Variants in STK33 observed in about 807,000 individuals in gnomAD.
STK33 encodes serine/threonine kinase 33.
STK33 carries 52 observed loss-of-function variants against 58.0 expected under a neutral mutation model. The observed-to-expected ratio is 0.90, with a 90% confidence interval of 0.72 to 1.13. STK33 has a LOEUF of 1.13. Among genes scored for constraint, STK33 ranks in the 50% most tolerant of loss-of-function variants. STK33 has a pLI of 0.00. For missense variants in STK33, 630 were observed against 604.2 expected, an observed-to-expected ratio of 1.04 and a Z score of -0.45; for synonymous variants, 215 against 200.1, an observed-to-expected ratio of 1.07 and a Z score of -0.63.
intron 1 of STK33, among the ~76,000 whole-genome samples, chr11:8,519,601 C>T (rs1953185655): frequency 6.6e-6 from 1 of 151,844 alleles, no homozygotes; most frequent in African/African-American, 2.4e-5. Context: ...GCTAGCAAGA[C>T]TAATAAAGAA....
intron 15 of STK33, among the ~76,000 whole-genome samples, chr11:8,401,919 C>A (rs1564860469): frequency 6.6e-6 from 1 of 152,106 alleles, no homozygotes; most frequent in African/African-American, 2.4e-5. Context: ...CAATGAGATA[C>A]CATCTCACAC....
chr11:8,483,895 T>TACACAC (rs897022525), intron 1 of STK33, among the ~76,000 whole-genome samples: 5 of 152,174 alleles, frequency 3.3e-5, no homozygotes, highest in African/African-American at 1.2e-4. Flanking sequence ...TATACATATA[T>TACACAC]ACACACAAAT....
intron 1 of STK33, among the ~76,000 whole-genome samples, chr11:8,522,142 T>C (rs34553709): frequency 0.17 from 25,809 of 152,150 alleles, 2,662 homozygotes; most frequent in South Asian, 0.31. Flanking sequence ...ACCCAAAGGA[T>C]TATAAATCAT....
At chr11:8,544,617 C>T (rs1356740644) in intron 1 of STK33, among the ~76,000 whole-genome samples, 1 of 151,666 alleles carries the variant, frequency 6.6e-6, no homozygotes, top group Non-Finnish European at 1.5e-5. Context: ...TTCTATAGAA[C>T]CATATATTAT....
At chr11:8,419,704 C>T (rs150558696) in intron 14 of STK33, among the ~76,000 whole-genome samples, 22 of 152,044 alleles carry the variant, frequency 1.4e-4, no homozygotes, top group African/African-American at 3.6e-4. Context: ...TTGATTCTTC[C>T]GATCCATGAG....
intron 11 of STK33, among the ~76,000 whole-genome samples, chr11:8,442,143 C>A (rs894668381): frequency 2.0e-5 from 3 of 151,428 alleles, no homozygotes; most frequent in Admixed American, 2.0e-4. Context: ...AGATGAAAGG[C>A]AACAAAAAGG....
chr11:8,407,270 C>T (rs1208088441), intron 15 of STK33, among the ~76,000 whole-genome samples: 1 of 151,882 alleles, frequency 6.6e-6, no homozygotes, highest in South Asian at 2.1e-4. Flanking sequence ...GAAATTTTTA[C>T]GTCTATAATT....
chr11:8,344,629 T>C, the STK33 span, among the ~76,000 whole-genome samples: 1 of 152,210 alleles, frequency 6.6e-6, no homozygotes, highest in South Asian at 2.1e-4. Flanking sequence ...AAGGTTATTT[T>C]CTCCTGCGAT....
At chr11:8,362,239 T>C in the STK33 span, among the ~76,000 whole-genome samples, 8 of 152,070 alleles carry the variant, frequency 5.3e-5, no homozygotes, top group Non-Finnish European at 1.0e-4. Context: ...ACTAGAAAAA[T>C]AGTGTGCCCA....
chr11:8,428,385 C>A (rs1347861253), intron 14 of STK33, among the ~76,000 whole-genome samples: 2 of 152,198 alleles, frequency 1.3e-5, no homozygotes, highest in Admixed American at 1.3e-4. Flanking sequence ...TAATTCCCTG[C>A]CTTGGCTGCA....
chr11:8,417,313 T>C (rs146587442), intron 14 of STK33, among the ~76,000 whole-genome samples: 273 of 152,292 alleles, frequency 1.8e-3, no homozygotes, highest in African/African-American at 5.5e-3. Context: ...ATTAATTTAA[T>C]ATCGAACAAC....
chr11:8,443,168 A>T (rs999096699), intron 11 of STK33, among the ~76,000 whole-genome samples: 3 of 152,232 alleles, frequency 2.0e-5, no homozygotes, highest in African/African-American at 7.2e-5. Context: ...TTTCTTGGTT[A>T]ATGACTCTCT....
At chr11:8,525,941 A>G (rs914939414) in intron 1 of STK33, among the ~76,000 whole-genome samples, 11 of 152,236 alleles carry the variant, frequency 7.2e-5, no homozygotes, top group Non-Finnish European at 1.3e-4. Context: ...GCCAATAAAC[A>G]TAATAAAAAG....
intron 12 of STK33, among the ~76,000 whole-genome samples, chr11:8,439,349 G>A (rs965564481): frequency 6.6e-6 from 1 of 151,962 alleles, no homozygotes; most frequent in Non-Finnish European, 1.5e-5. Flanking sequence ...AGCTTTATGA[G>A]GATACATAAA....
intron 13 of STK33, 67 bp downstream of exon 13, chr11:8,435,960 A>T: frequency 1.1e-6 from 1 of 926,744 alleles, no homozygotes; most frequent in Non-Finnish European, 1.5e-6. Flanking sequence ...AAAACATTTT[A>T]ACCACAGGCC....
At position 8,455,569 on chromosome 11, in the gene STK33, G is replaced by A. The variant is rs367595751; in HGVS notation, c.698-737C>T. 1.9e-3 allele frequency among the ~76,000 whole-genome samples: 293 copies of A among 152,228 alleles called. 2 individuals carry two copies. Among genetic ancestry groups the A allele is most frequent in the African/African-American group, 6.7e-3 (278 of 41,554 alleles). On this transcript the variant is annotated intron_variant, in intron 9 of 15. Transcript: ENST00000687296. Reference sequence around the variant, plus strand: ...TGCGCCTATAATCCCAGCACTGTGGGAGGCTGAGGCGGGCGGATCATGAGG... The same window carrying A: ...TGCGCCTATAATCCCAGCACTGTGGAAGGCTGAGGCGGGCGGATCATGAGG...
At chr11:8,489,257 C>CAAA (rs377017514) in intron 1 of STK33, among the ~76,000 whole-genome samples, 8 of 64,276 alleles carry the variant, frequency 1.2e-4, no homozygotes, top group Admixed American at 1.7e-4. Context: ...AAGCTATCTC[C>CAAA]AAAAAAAAAA....
intron 2 of STK33, among the ~76,000 whole-genome samples, 111 bp downstream of exon 2, chr11:8,480,299 G>A (rs1185704417): frequency 6.6e-6 from 1 of 152,210 alleles, no homozygotes; most frequent in Non-Finnish European, 1.5e-5. Flanking sequence ...CACAGACTAG[G>A]ACGTATTGAG....
At chr11:8,572,019 A>T (rs1431452124) in intron 1 of STK33, among the ~76,000 whole-genome samples, 1 of 148,366 alleles carries the variant, frequency 6.7e-6, no homozygotes, top group Admixed American at 6.7e-5. Context: ...TTAAAATTAA[A>T]TTTTAATTTT....
Sources: allele counts gnomAD v4.1 joint callset (sites outside exome capture counted in the v4.1 genomes callset), GRCh38; gene constraint gnomAD v4.1.1; transcripts MANE v1.5; gene names NCBI Gene and HGNC (gene_info 2026-07-23, HGNC 2026-07-21).